The following NT5E variants were observed in gnomAD, a reference collection of about 807,000 sequenced individuals.
NT5E encodes the protein 5'-nucleotidase.
NT5E carries 53 observed loss-of-function variants against 55.1 expected under a neutral mutation model. The ratio of observed to expected loss-of-function variants is 0.96; its 90% CI spans 0.77 to 1.21. The LOEUF (loss-of-function observed/expected upper bound fraction) is 1.21. Ranked by LOEUF, NT5E falls within the 50% of genes most tolerant of loss-of-function variation. The pLI, the probability that NT5E is intolerant of heterozygous loss-of-function variation, is 0.00. For synonymous variants in NT5E, 270 were observed against 278.4 expected, an observed-to-expected ratio of 0.97 and a Z score of 0.30; for missense variants, 683 against 724.3, an observed-to-expected ratio of 0.94 and a Z score of 0.65.
chr6:85,493,197 C>T (rs1769822679), intron 8 of NT5E, among the ~76,000 whole-genome samples: 1 of 152,160 alleles, frequency 6.6e-6, no homozygotes, highest in African/African-American at 2.4e-5. Flanking sequence ...AATGGCTCGG[C>T]CGCAGCTCTT....
At chr6:85,469,192 T>A (rs187885459) in intron 2 of NT5E, among the ~76,000 whole-genome samples, 151 of 152,364 alleles carry the variant, frequency 9.9e-4, no homozygotes, top group African/African-American at 3.4e-3. Context: ...TCTTGAAATA[T>A]AAGCCATGCT....
chr6:85,479,870 A>T (rs1769510196), intron 3 of NT5E, among the ~76,000 whole-genome samples: 1 of 152,120 alleles, frequency 6.6e-6, no homozygotes, highest in Non-Finnish European at 1.5e-5. Context: ...TGCTTTATAG[A>T]AGCCTGTTCT....
In NT5E at chr6:85,467,157, C is replaced by G. The variant is rs1182496171; in HGVS notation, c.437C>G (p.Ala146Gly). 6.2e-7 allele frequency: 1 copy of G among 1,614,150 alleles called. No homozygotes were observed. The highest frequency in any genetic ancestry group is 1.7e-5 in the Admixed American group (1 of 60,022). Residue 146 changes from alanine (A) to glycine (G), a missense_variant, in exon 2 of 9, where the codon GCA (alanine) becomes GGA (glycine). Physicochemically the swap from Ala to Gly is moderately conservative, Grantham distance 60. Coordinates refer to ENST00000257770, the MANE Select transcript of NT5E (RefSeq NM_002526.4). Reference sequence around the variant, plus strand: ...CCAATTCTGAGTGCAAACATTAAAGCAAAGGGGCCACTAGCATCTCAAATA... The same window carrying G: ...CCAATTCTGAGTGCAAACATTAAAGGAAAGGGGCCACTAGCATCTCAAATA... ...KFPILSANIK[A>G]KGPLASQISG...
At chr6:85,489,471 G>A (rs1343267127) in intron 5 of NT5E, 23 bp from the exon 6 acceptor site, 1 of 1,539,522 alleles carries the variant, frequency 6.5e-7, no homozygotes, top group South Asian at 1.1e-5. Context: ...AGTAACTAGT[G>A]TAAATCTGTG....
intron 1 of NT5E, among the ~76,000 whole-genome samples, chr6:85,463,120 T>C (rs1382133353): frequency 6.6e-6 from 1 of 152,016 alleles, no homozygotes; most frequent in Admixed American, 6.5e-5. Flanking sequence ...ATAAAGAAAG[T>C]GGTGGGGGTG....
At chr6:85,492,704 C>G (rs1421856231) in intron 8 of NT5E, among the ~76,000 whole-genome samples, 5 of 152,120 alleles carry the variant, frequency 3.3e-5, no homozygotes, top group Admixed American at 1.3e-4. Context: ...TATATGCCAG[C>G]CTCACTTTTA....
At chr6:85,476,035 T>G (rs1434193488) in intron 3 of NT5E, among the ~76,000 whole-genome samples, 2 of 152,160 alleles carry the variant, frequency 1.3e-5, no homozygotes, top group African/African-American at 4.8e-5. Context: ...GTCTTATCAC[T>G]CTCATCTAAT....
intron 2 of NT5E, among the ~76,000 whole-genome samples, chr6:85,468,539 GCA>G (rs1429706653): frequency 6.6e-6 from 1 of 152,196 alleles, no homozygotes; most frequent in Non-Finnish European, 1.5e-5. Context: ...CAATGACTGT[GCA>G]CAGTGCCTGG....
chr6:85,465,428 G>A (rs1326704352), intron 1 of NT5E, among the ~76,000 whole-genome samples: 2 of 151,914 alleles, frequency 1.3e-5, no homozygotes, highest in Non-Finnish European at 2.9e-5. Flanking sequence ...TTTCACCATA[G>A]GAAAAAAATC....
chr6:85,459,241 G>T (rs1294558701), intron 1 of NT5E, among the ~76,000 whole-genome samples: 5 of 152,128 alleles, frequency 3.3e-5, no homozygotes, highest in Non-Finnish European at 7.3e-5. Flanking sequence ...GGGATTACAG[G>T]CATGAGCCAC....
rs1311573056 is a variant in NT5E at position 85,494,260 on chromosome 6, A to C, written c.*256A>C. On this transcript the variant is annotated 3_prime_UTR_variant, in exon 9 of 9. Transcript: ENST00000257770. The stretch of plus-strand genomic sequence containing the variant: ...GTTAAGTTTACGTGTCCAAATTTTA[A>C]TGAAATTTTACTAACAATTTTAAAC... 2.5e-5 allele frequency: 12 copies of C among 474,408 alleles called. No homozygotes were observed. The highest frequency in any genetic ancestry group is 4.5e-5 in the Non-Finnish European group (12 of 268,570). The allele number at this position is 474,408 out of a possible 1,614,324, so 29.4% of individuals were successfully genotyped here.
At chr6:85,474,738 G>A (rs1465041817) in intron 3 of NT5E, among the ~76,000 whole-genome samples, 1 of 152,110 alleles carries the variant, frequency 6.6e-6, no homozygotes, top group African/African-American at 2.4e-5. Flanking sequence ...AGACCGGCCT[G>A]GGCAAGATAG....
intron 1 of NT5E, among the ~76,000 whole-genome samples, chr6:85,452,738 C>T (rs1768910504): frequency 6.6e-6 from 1 of 152,184 alleles, no homozygotes; most frequent in Admixed American, 6.5e-5. Context: ...CAGTATTGCA[C>T]AGATGTTTCA....
chr6:85,493,731 C>G, intron 8 of NT5E, 110 bp from the exon 9 acceptor site: 1 of 885,516 alleles, frequency 1.1e-6, no homozygotes, highest in East Asian at 2.5e-5. Context: ...TTCTGTGACA[C>G]TTTACCCCTG....
At chr6:85,453,896 G>A (rs1768940171) in intron 1 of NT5E, among the ~76,000 whole-genome samples, 1 of 152,142 alleles carries the variant, frequency 6.6e-6, no homozygotes, top group African/African-American at 2.4e-5. Context: ...ACTGCATATA[G>A]TTTTGTTTCT....
intron 6 of NT5E, among the ~76,000 whole-genome samples, 194 bp downstream of exon 6, chr6:85,489,793 C>G (rs1475559408): frequency 1.3e-5 from 2 of 152,178 alleles, no homozygotes; most frequent in South Asian, 2.1e-4. Flanking sequence ...AGGACACACA[C>G]AAGCTTGTGT....
intron 3 of NT5E, among the ~76,000 whole-genome samples, chr6:85,472,200 T>C (rs1020177155): frequency 6.6e-6 from 1 of 152,242 alleles, no homozygotes; most frequent in South Asian, 2.1e-4. Context: ...AGTTCTTCTA[T>C]CAGCATTCGC....
At chr6:85,488,547 C>T (rs1280586205) in intron 5 of NT5E, among the ~76,000 whole-genome samples, 2 of 151,928 alleles carry the variant, frequency 1.3e-5, no homozygotes, top group Non-Finnish European at 2.9e-5. Flanking sequence ...CAAAGGAGAG[C>T]TTTTGCTTTT....
intron 1 of NT5E, among the ~76,000 whole-genome samples, chr6:85,451,636 TCCAGAGAAAC>T (rs2127753154): frequency 6.6e-6 from 1 of 152,212 alleles, no homozygotes; most frequent in East Asian, 1.9e-4. Flanking sequence ...CTGAGAAATC[TCCAGAGAAAC>T]GTCCAGAGAA....
Sources: allele counts gnomAD v4.1 joint callset (sites outside exome capture counted in the v4.1 genomes callset), GRCh38; gene constraint gnomAD v4.1.1; transcripts MANE v1.5; gene names NCBI Gene and HGNC (gene_info 2026-07-23, HGNC 2026-07-21).